The following NPAS3 variants were observed in gnomAD, a reference collection of about 807,000 sequenced individuals.
NPAS3 encodes neuronal PAS domain protein 3.
A neutral mutation model predicts 73.1 loss-of-function variants in NPAS3; 14 were observed. That is an observed-to-expected ratio of 0.19 (90% CI 0.13 to 0.30). The LOEUF is 0.30. Among genes scored for constraint, NPAS3 ranks in the 10% least tolerant of loss-of-function variants. NPAS3 has a pLI of 1.00. For missense variants in NPAS3, 1,096 were observed against 1,250.0 expected, an observed-to-expected ratio of 0.88 and a Z score of 1.86; for synonymous variants, 620 against 541.5, an observed-to-expected ratio of 1.14 and a Z score of -2.01.
intron 4 of NPAS3, among the ~76,000 whole-genome samples, chr14:33,443,280 GA>G (rs796291453): frequency 0.012 from 1,766 of 144,060 alleles, 33 homozygotes; most frequent in African/African-American, 0.037. Context: ...GTTAAAAAAG[GA>G]AAAAAAAAAA....
At chr14:33,319,385 C>A (rs2043341623) in intron 3 of NPAS3, among the ~76,000 whole-genome samples, 1 of 152,024 alleles carries the variant, frequency 6.6e-6, no homozygotes. Flanking sequence ...CCTTAGACCG[C>A]CAGATATTTA....
intron 6 of NPAS3, among the ~76,000 whole-genome samples, chr14:33,724,527 A>T (rs375020265): frequency 3.9e-5 from 6 of 152,122 alleles, no homozygotes; most frequent in African/African-American, 1.4e-4. Flanking sequence ...CCAGCTACTC[A>T]GGAGGCTGAA....
At chr14:33,338,529 G>C (rs892277763) in intron 3 of NPAS3, among the ~76,000 whole-genome samples, 8 of 152,116 alleles carry the variant, frequency 5.3e-5, no homozygotes, top group Non-Finnish European at 8.8e-5. Context: ...GAAATGAAAG[G>C]CATATTGGCC....
rs181044675 is a variant in NPAS3, at chr14:33,268,294, T to C, written c.385+52868T>C. The stretch of plus-strand genomic sequence containing the variant: ...AATGAATACAGACCTGCTTGATCTC[T>C]TCCCCAGCTTAGACTTTTTGACTCC... On this transcript the variant is annotated intron_variant, in intron 3 of 11. Transcript: ENST00000356141. Among the ~76,000 whole-genome samples the C allele has an allele frequency of 1.4e-4, 22 of 152,318 alleles. 1 individual carries two copies. The South Asian group carries it at 1.4e-3, about 10-fold the overall frequency.
chr14:32,996,905 G>C (rs1279201), intron 1 of NPAS3, among the ~76,000 whole-genome samples: 49,483 of 151,906 alleles, frequency 0.33, 8,620 homozygotes, highest in African/African-American at 0.46. Context: ...TCCTCCAGAC[G>C]CCGGAATGGT....
intron 3 of NPAS3, among the ~76,000 whole-genome samples, chr14:33,231,132 G>A (rs868391209): frequency 1.3e-5 from 2 of 152,134 alleles, no homozygotes; most frequent in Non-Finnish European, 2.9e-5. Flanking sequence ...TGCCAGTGCA[G>A]GGTTACTACA....
chr14:33,674,587 TG>T (rs1212886242), intron 5 of NPAS3, among the ~76,000 whole-genome samples: 1 of 152,198 alleles, frequency 6.6e-6, no homozygotes, highest in African/African-American at 2.4e-5. Flanking sequence ...GGGTAAGAGC[TG>T]ATCACTGTGA....
At position 33,109,021 on chromosome 14, in the gene NPAS3, C is replaced by T. The variant is rs2042808832; in HGVS notation, c.140+53027C>T. On this transcript the variant is annotated intron_variant, in intron 2 of 11. Transcript: ENST00000356141. ...ATTTTGTTTTATCTTGTTTTCTTTA[C>T]AGTCCTGATTTGATTTATTGCAAAG... is the stretch of plus-strand genomic sequence containing the variant. Among the ~76,000 whole-genome samples, 3 of 152,068 alleles carry T rather than the reference C, an allele frequency of 2.0e-5. No individual in the cohort carries two copies. The South Asian group carries it at 6.2e-4, about 31-fold the overall frequency.
At chr14:33,653,175 CT>C (rs2059048530) in intron 5 of NPAS3, among the ~76,000 whole-genome samples, 1 of 152,210 alleles carries the variant, frequency 6.6e-6, no homozygotes, top group Admixed American at 6.5e-5. Context: ...AATTTTTTAA[CT>C]AACTAGCTGC....
At chr14:33,189,466 A>G (rs1252669255) in intron 2 of NPAS3, among the ~76,000 whole-genome samples, 3 of 152,200 alleles carry the variant, frequency 2.0e-5, no homozygotes, top group Non-Finnish European at 4.4e-5. Context: ...TACCTGGACT[A>G]TGCACTGAGT....
At chr14:33,513,213 T>A (rs1186379723) in intron 4 of NPAS3, among the ~76,000 whole-genome samples, 2 of 152,004 alleles carry the variant, frequency 1.3e-5, no homozygotes, top group South Asian at 2.1e-4. Context: ...TTGACAAAAA[T>A]TTTTTCATTC....
chr14:33,664,248 G>A (rs1458370614), intron 5 of NPAS3, among the ~76,000 whole-genome samples: 1 of 152,124 alleles, frequency 6.6e-6, no homozygotes, highest in Non-Finnish European at 1.5e-5. Context: ...TGACAAACCT[G>A]ACAAAAGCAA....
intron 6 of NPAS3, among the ~76,000 whole-genome samples, chr14:33,724,495 G>A (rs533474150): frequency 1.9e-4 from 29 of 152,206 alleles, no homozygotes; most frequent in Non-Finnish European, 2.6e-4. Flanking sequence ...GTAGCCAGGC[G>A]TGGTGGCGCC....
intron 7 of NPAS3, among the ~76,000 whole-genome samples, chr14:33,746,810 T>C (rs1266535827): frequency 6.6e-6 from 1 of 152,090 alleles, no homozygotes; most frequent in Non-Finnish European, 1.5e-5. Context: ...TAGTTACATA[T>C]GTATACATGT....
At chr14:33,099,129 G>A (rs192131197) in intron 2 of NPAS3, among the ~76,000 whole-genome samples, 4 of 152,286 alleles carry the variant, frequency 2.6e-5, no homozygotes, top group African/African-American at 7.2e-5. Flanking sequence ...GCAGTTTCCC[G>A]AGGAAAGCTC....
chr14:33,391,606 G>C (rs1004553664), intron 4 of NPAS3, among the ~76,000 whole-genome samples: 1 of 152,354 alleles, frequency 6.6e-6, no homozygotes, highest in Middle Eastern at 3.4e-3. Flanking sequence ...AAGAGAGGTA[G>C]AGAGGGAGAA....
intron 5 of NPAS3, among the ~76,000 whole-genome samples, chr14:33,592,833 G>A (rs139625378): frequency 9.1e-4 from 139 of 152,266 alleles, no homozygotes; most frequent in Non-Finnish European, 1.4e-3. Context: ...TCAAACCTCC[G>A]TGTTTTTCAA....
intron 5 of NPAS3, among the ~76,000 whole-genome samples, chr14:33,649,177 GTC>G (rs1224344350): frequency 1.3e-5 from 2 of 152,164 alleles, no homozygotes; most frequent in African/African-American, 4.8e-5. Flanking sequence ...AAACTTGATT[GTC>G]TCTCTGTCCA....
At chr14:33,799,676 G>A (rs914011760) in intron 11 of NPAS3, 58 bp from the exon 12 acceptor site, 214 of 1,536,012 alleles carry the variant, frequency 1.4e-4, no homozygotes, top group Non-Finnish European at 1.7e-4. Context: ...CGCTAACCTG[G>A]TGTCTTCTCT....
Sources: gnomAD v4.1 joint callset for allele counts (sites outside exome capture counted in the v4.1 genomes callset) on GRCh38, gnomAD v4.1.1 for gene constraint, MANE v1.5 for transcripts, NCBI Gene and HGNC (gene_info 2026-07-23, HGNC 2026-07-21) for gene names.